GAD2: variants seen among roughly 807,000 people sequenced by gnomAD.
The protein encoded by GAD2 is glutamate decarboxylase 2.
A neutral mutation model predicts 80.1 loss-of-function variants in GAD2; 22 were observed. The ratio of observed to expected loss-of-function variants is 0.27; its 90% confidence interval spans 0.20 to 0.39. The LOEUF (loss-of-function observed/expected upper bound fraction) is 0.39. Among genes scored for constraint, GAD2 ranks in the 10% least tolerant of loss-of-function variants. The pLI is 1.00. For missense variants in GAD2, 624 were observed against 738.4 expected, an observed-to-expected ratio of 0.85 and a Z score of 1.80; for synonymous variants, 274 against 256.9, an observed-to-expected ratio of 1.07 and a Z score of -0.64.
At chr10:26,280,155 C>T (rs1302338963) in intron 11 of GAD2, among the ~76,000 whole-genome samples, 1 of 152,172 alleles carries the variant, frequency 6.6e-6, no homozygotes, top group African/African-American at 2.4e-5. Context: ...CATGCTGCCA[C>T]TGGAGCAGGG....
chr10:26,297,368 A>G (rs1016582828), intron 15 of GAD2, among the ~76,000 whole-genome samples: 3 of 152,218 alleles, frequency 2.0e-5, no homozygotes, highest in Non-Finnish European at 4.4e-5. Context: ...AGTTTATTTC[A>G]TAATGCTTTA....
intron 13 of GAD2, among the ~76,000 whole-genome samples, chr10:26,288,743 G>A (rs1185198627): frequency 6.6e-6 from 1 of 152,088 alleles, no homozygotes; most frequent in Non-Finnish European, 1.5e-5. Flanking sequence ...TTTTATTACG[G>A]TAATGATCAT....
Position 26,219,189 on chromosome 10 carries a change from T to C in GAD2, c.433T>C (p.Tyr145His). The C allele has an allele frequency of 2.5e-6, 4 of 1,613,770 alleles. No individual in the cohort carries two copies. Among genetic ancestry groups the C allele is most frequent in the Non-Finnish European group, 3.4e-6 (4 of 1,179,924 alleles). ...FHYPNELLQE[Y>H]NWELADQPQN... ...TTATCCTAATGAGCTTCTCCAAGAA[T>C]ATAATTGGGAATTGGCAGACCAACC... The change falls in exon 4 of 16, where the codon TAT becomes CAT. Residue 145 changes from tyrosine (Y) to histidine (H), a missense_variant. By Grantham distance (83) the Tyr-to-His change is moderately conservative. Transcript: ENST00000376261.
chr10:26,239,569 G>A (rs1025377862), intron 7 of GAD2, among the ~76,000 whole-genome samples: 2 of 152,148 alleles, frequency 1.3e-5, no homozygotes, highest in African/African-American at 4.8e-5. Flanking sequence ...TCAATTATAC[G>A]CTATGACAAA....
intron 12 of GAD2, among the ~76,000 whole-genome samples, chr10:26,284,731 A>G (rs1453139775): frequency 2.6e-5 from 4 of 151,660 alleles, no homozygotes; most frequent in Non-Finnish European, 5.9e-5. Flanking sequence ...ACCACCGCCC[A>G]GCTAATTTTT....
At position 26,278,897 on chromosome 10, in the gene GAD2, G is replaced by A. The variant is rs77400386; in HGVS notation, c.1158-2112G>A. ...CTGCCCTTCATCAAATGAATGAATCGGGTCTTTCCCAGCTTCTCATTTTTT... is the reference window on the plus strand; with the variant it reads ...CTGCCCTTCATCAAATGAATGAATCAGGTCTTTCCCAGCTTCTCATTTTTT... On this transcript the variant is annotated intron_variant, in intron 11 of 15. Transcript: ENST00000376261. 7.0e-3 allele frequency among the ~76,000 whole-genome samples: 1,059 copies of A among 151,844 alleles called. 14 individuals carry two copies. Among genetic ancestry groups the A allele is most frequent in the African/African-American group, 0.023 (934 of 41,396 alleles).
chr10:26,228,075 G>A (rs1844552033), intron 6 of GAD2, among the ~76,000 whole-genome samples: 1 of 152,250 alleles, frequency 6.6e-6, no homozygotes, highest in African/African-American at 2.4e-5. Context: ...CCAGGAAGGA[G>A]AGTAACTCAC....
At chr10:26,238,286 C>T (rs1268601982) in intron 7 of GAD2, among the ~76,000 whole-genome samples, 1 of 152,170 alleles carries the variant, frequency 6.6e-6, no homozygotes, top group Non-Finnish European at 1.5e-5. Flanking sequence ...CAAATCATGG[C>T]TCAGCATGAG....
intron 13 of GAD2, among the ~76,000 whole-genome samples, chr10:26,289,928 G>A (rs1055099148): frequency 2.0e-5 from 3 of 151,484 alleles, no homozygotes; most frequent in African/African-American, 7.3e-5. Flanking sequence ...AGGCCTGCAG[G>A]AATAACTTCA....
chr10:26,223,888 G>A lies in GAD2; in HGVS notation c.522G>A (p.Gly174=). The A allele has an allele frequency of 1.9e-6, 3 of 1,587,698 alleles. No individual in the cohort carries two copies. Among genetic ancestry groups the A allele is most frequent in the South Asian group, 1.1e-5 (1 of 87,310 alleles). The change falls in exon 5 of 16, where the codon GGG becomes GGA. Residue 174 remains glycine (G), a splice_region_variant and synonymous_variant. Transcript: ENST00000376261. ...ATTCTGGTATTCCATTTTATTCAGG[G>A]CATCCTAGATACTTCAATCAACTTT... ...QTTLKYAIKT[G]HPRYFNQLST...
intron 4 of GAD2, among the ~76,000 whole-genome samples, chr10:26,220,577 G>A (rs1031873592): frequency 6.6e-6 from 1 of 152,130 alleles, no homozygotes; most frequent in Non-Finnish European, 1.5e-5. Flanking sequence ...AAGAACCCAC[G>A]TGATGTTTAT....
rs1266874480 is a variant in GAD2, at chr10:26,219,264, G to A, written c.508G>A (p.Ala170Thr). The A allele has an allele frequency of 2.5e-6, 4 of 1,603,576 alleles. No homozygotes were observed. The highest frequency in any genetic ancestry group is 3.4e-6 in the Non-Finnish European group (4 of 1,172,076). ...LMHCQTTLKYAIKTGHPRYFN... is the reference protein window; with the variant it reads ...LMHCQTTLKYTIKTGHPRYFN... ...GCATTGCCAAACAACTCTAAAATATGCAATTAAAACAGGTATTGTCTCATC... is the reference window on the plus strand; with the variant it reads ...GCATTGCCAAACAACTCTAAAATATACAATTAAAACAGGTATTGTCTCATC... The change falls in exon 4 of 16, where the codon GCA becomes ACA. Residue 170 changes from alanine (A) to threonine (T), a missense_variant. Transcript: ENST00000376261.
At chr10:26,247,091 T>G (rs1175808043) in intron 8 of GAD2, among the ~76,000 whole-genome samples, 1 of 152,210 alleles carries the variant, frequency 6.6e-6, no homozygotes, top group Non-Finnish European at 1.5e-5. Flanking sequence ...ACTAAAGGAA[T>G]AAAAGAATGG....
At position 26,235,128 on chromosome 10, in the gene GAD2, C is replaced by T. The variant is rs142532994; in HGVS notation, c.840+5351C>T. 3.6e-3 allele frequency among the ~76,000 whole-genome samples: 542 copies of T among 152,354 alleles called. 3 individuals carry two copies. The highest frequency in any genetic ancestry group is 0.012 in the African/African-American group (516 of 41,590). ...ACCTCAGGTGATCCACCTGCCTTGG[C>T]CTTCCAAAGTTCTGGGATTACAGGC... On this transcript the variant is annotated intron_variant, in intron 7 of 15. Coordinates refer to ENST00000376261, the MANE Select transcript of GAD2 (RefSeq NM_001134366.2).
intron 11 of GAD2, among the ~76,000 whole-genome samples, chr10:26,275,418 T>A (rs1845188689): frequency 6.6e-6 from 1 of 152,224 alleles, no homozygotes; most frequent in South Asian, 2.1e-4. Context: ...AAGACTATTA[T>A]TTGAGAGCAA....
chr10:26,286,304 T>C (rs1337753083), intron 12 of GAD2, 41 bp from the exon 13 acceptor site: 3 of 1,558,480 alleles, frequency 1.9e-6, no homozygotes, highest in Non-Finnish European at 2.6e-6. Context: ...ATCTAATAAG[T>C]AGTCAGTAGA....
intron 8 of GAD2, among the ~76,000 whole-genome samples, chr10:26,254,407 A>G (rs1465088588): frequency 6.6e-6 from 1 of 152,216 alleles, no homozygotes; most frequent in Non-Finnish European, 1.5e-5. Context: ...CTGATCTGAC[A>G]GGAGGCGGGG....
chr10:26,227,051 G>C (rs1844536035), intron 6 of GAD2, among the ~76,000 whole-genome samples: 1 of 152,146 alleles, frequency 6.6e-6, no homozygotes, highest in African/African-American at 2.4e-5. Context: ...GGAGTGCAGT[G>C]GCACGATCTC....
At chr10:26,246,898 T>C (rs1186665247) in intron 8 of GAD2, among the ~76,000 whole-genome samples, 1 of 152,040 alleles carries the variant, frequency 6.6e-6, no homozygotes, top group East Asian at 1.9e-4. Context: ...ATTTTTAAAA[T>C]TAGGAGTGAG....
Sources: gnomAD v4.1 joint callset for allele counts (sites outside exome capture counted in the v4.1 genomes callset) on GRCh38, gnomAD v4.1.1 for gene constraint, MANE v1.5 for transcripts, NCBI Gene and HGNC (gene_info 2026-07-23, HGNC 2026-07-21) for gene names.